TACR3: variants seen among roughly 807,000 people sequenced by gnomAD.
TACR3 encodes the protein neuromedin-K receptor.
In TACR3, 34 loss-of-function variants were observed where a neutral mutation model predicts 35.0. That is an observed-to-expected ratio of 0.97 (90% CI 0.74 to 1.30). TACR3 has a LOEUF of 1.30. TACR3 is among the 50% of genes most tolerant of loss of function. The pLI, the probability that TACR3 is intolerant of heterozygous loss-of-function variation, is 0.00. For missense variants in TACR3, 558 were observed against 591.7 expected, an observed-to-expected ratio of 0.94 and a Z score of 0.59; for synonymous variants, 233 against 221.1, an observed-to-expected ratio of 1.05 and a Z score of -0.48.
chr4:103,619,110 T>A (rs1439579625), intron 3 of TACR3, among the ~76,000 whole-genome samples: 1 of 152,206 alleles, frequency 6.6e-6, no homozygotes, highest in Non-Finnish European at 1.5e-5. Context: ...TGAAAGTGTT[T>A]ATCAATTTTA....
intron 3 of TACR3, among the ~76,000 whole-genome samples, chr4:103,629,238 G>A (rs1025842219): frequency 5.9e-5 from 9 of 152,120 alleles, no homozygotes; most frequent in Admixed American, 5.2e-4. Context: ...ACAAGACAAG[G>A]ATGCCCTCTC....
At chr4:103,713,348 C>A (rs774194145) in intron 1 of TACR3, among the ~76,000 whole-genome samples, 53 of 151,648 alleles carry the variant, frequency 3.5e-4, no homozygotes, top group Non-Finnish European at 6.6e-4. Flanking sequence ...TGGAAACCAT[C>A]ATTCTCAGCG....
At chr4:103,665,625 T>C (rs5005634) in intron 1 of TACR3, among the ~76,000 whole-genome samples, 65,587 of 151,968 alleles carry the variant, frequency 0.43, 16,720 homozygotes, top group African/African-American at 0.72. Context: ...CAGAGTCTAA[T>C]GCAGAAGAAA....
chr4:103,658,635 G>A (rs1367484913), intron 1 of TACR3, among the ~76,000 whole-genome samples: 1 of 152,036 alleles, frequency 6.6e-6, no homozygotes, highest in Non-Finnish European at 1.5e-5. Context: ...TAAACTTTTT[G>A]AACCTCAGCT....
chr4:103,656,540 T>G (rs1367613990), intron 2 of TACR3, among the ~76,000 whole-genome samples, 196 bp from the exon 3 acceptor site: 1 of 152,110 alleles, frequency 6.6e-6, no homozygotes, highest in Non-Finnish European at 1.5e-5. Context: ...TGCCAGTTGA[T>G]GTTGTCAATC....
chr4:103,662,217 G>GGTTTT (rs1553972885), intron 1 of TACR3, among the ~76,000 whole-genome samples: 4 of 86,266 alleles, frequency 4.6e-5, no homozygotes, highest in African/African-American at 1.5e-4. Context: ...TGTTGATGGT[G>GGTTTT]TTTTTTTTTT....
chr4:103,635,973 C>A (rs1725179128), intron 3 of TACR3, among the ~76,000 whole-genome samples: 1 of 150,950 alleles, frequency 6.6e-6, no homozygotes, highest in Non-Finnish European at 1.5e-5. Flanking sequence ...CTTTCTCCCC[C>A]TCCCTCGTCC....
chr4:103,650,044 TA>T (rs994873631), intron 3 of TACR3, among the ~76,000 whole-genome samples: 4 of 152,082 alleles, frequency 2.6e-5, no homozygotes, highest in African/African-American at 7.2e-5. Context: ...ACATCTGCAT[TA>T]GGGGGTACCA....
intron 1 of TACR3, among the ~76,000 whole-genome samples, chr4:103,662,217 GTT>G (rs34317006): frequency 1.7e-4 from 15 of 86,268 alleles, no homozygotes; most frequent in African/African-American, 4.1e-4. Flanking sequence ...TGTTGATGGT[GTT>G]TTTTTTTTTT....
intron 1 of TACR3, among the ~76,000 whole-genome samples, chr4:103,700,142 C>T (rs551275165): frequency 5.1e-4 from 77 of 152,230 alleles, no homozygotes; most frequent in African/African-American, 1.7e-3. Flanking sequence ...ACAAAAAACA[C>T]AACTCCTGAT....
At chr4:103,625,734 TTAAA>T (rs1365963869) in intron 3 of TACR3, among the ~76,000 whole-genome samples, 13 of 152,130 alleles carry the variant, frequency 8.5e-5, no homozygotes, top group African/African-American at 2.9e-4. Context: ...TCTAAAGACT[TTAAA>T]TAACCTCTGT....
intron 2 of TACR3, among the ~76,000 whole-genome samples, chr4:103,657,877 T>C (rs1411478153): frequency 6.6e-6 from 1 of 152,126 alleles, no homozygotes; most frequent in African/African-American, 2.4e-5. Flanking sequence ...ATCAACACAT[T>C]TGGGCTTTGA....
rs146088067 is a variant in TACR3, at chr4:103,658,719, G to A, written c.549-316C>T. Among the ~76,000 whole-genome samples the A allele has an allele frequency of 6.8e-3, 1,041 of 152,192 alleles. 10 individuals carry two copies. The highest frequency in any genetic ancestry group is 0.018 in the African/African-American group (765 of 41,528). On this transcript the variant is annotated intron_variant, in intron 1 of 4. Coordinates refer to ENST00000304883, the MANE Select transcript of TACR3 (RefSeq NM_001059.3). Reference sequence around the variant, plus strand: ...TGAGGATCAACAGATGTAAGTCAGCGGTGCCCAGCCTTTTGGCACCAAGGA... The same window carrying A: ...TGAGGATCAACAGATGTAAGTCAGCAGTGCCCAGCCTTTTGGCACCAAGGA...
At chr4:103,606,431 A>G (rs1724364658) in intron 3 of TACR3, among the ~76,000 whole-genome samples, 1 of 152,154 alleles carries the variant, frequency 6.6e-6, no homozygotes, top group South Asian at 2.1e-4. Flanking sequence ...GGCCATTTTC[A>G]CAATATTGAT....
intron 1 of TACR3, among the ~76,000 whole-genome samples, chr4:103,716,383 G>A (rs748159450): frequency 6.6e-6 from 1 of 152,162 alleles, no homozygotes; most frequent in Middle Eastern, 3.4e-3. Context: ...GGACTTTGTA[G>A]CAAATCAGAA....
chr4:103,638,544 T>A (rs974582392), intron 3 of TACR3, among the ~76,000 whole-genome samples: 10 of 151,928 alleles, frequency 6.6e-5, no homozygotes, highest in Admixed American at 2.6e-4. Context: ...GGACTTCATG[T>A]CTAAAACACC....
chr4:103,670,657 G>A (rs1046139032), intron 1 of TACR3, among the ~76,000 whole-genome samples: 4 of 151,898 alleles, frequency 2.6e-5, no homozygotes, highest in African/African-American at 9.7e-5. Flanking sequence ...TTTGTATGTT[G>A]ATTTTGTATT....
chr4:103,668,701 T>A (rs1725985329), intron 1 of TACR3, among the ~76,000 whole-genome samples: 1 of 151,760 alleles, frequency 6.6e-6, no homozygotes, highest in South Asian at 2.1e-4. Context: ...TACAAAAAAT[T>A]AGCCAGTCAT....
chr4:103,658,280 G>T lies in TACR3; in HGVS notation c.672C>A (p.Thr224=). ...AGAGAGTACGGCCTGGCATGACTTT[G>T]GTTTTGGAATAAAGACACTGAGGGA... ...LAFPQCLYSK[T]KVMPGRTLCF... The change falls in exon 2 of 5, where the codon ACC becomes ACA. Residue 224 remains threonine, a synonymous_variant. Transcript: ENST00000304883. 6.2e-7 allele frequency: 1 copy of T among 1,613,884 alleles called. No homozygotes were observed. Among genetic ancestry groups the T allele is most frequent in the South Asian group, 1.1e-5 (1 of 91,080 alleles).
Sources: gnomAD v4.1 joint callset for allele counts (sites outside exome capture counted in the v4.1 genomes callset) on GRCh38, gnomAD v4.1.1 for gene constraint, MANE v1.5 for transcripts, NCBI Gene and HGNC (gene_info 2026-07-23, HGNC 2026-07-21) for gene names.